Variants in LRRC63 observed in about 807,000 individuals in gnomAD.
LRRC63 encodes the protein leucine rich repeat containing 63, also known as leucine-rich repeat-containing protein 63.
Under a neutral mutation model 49.5 loss-of-function variants are expected in LRRC63, and 40 were observed. The ratio of observed to expected loss-of-function variants is 0.81; its 90% CI spans 0.63 to 1.05. LRRC63 has a LOEUF of 1.05. LRRC63 is among the 50% of genes least tolerant of loss of function. LRRC63 has a pLI of 0.00. For missense variants in LRRC63, 636 were observed against 663.1 expected, an observed-to-expected ratio of 0.96 and a Z score of 0.45; for synonymous variants, 191 against 221.1, an observed-to-expected ratio of 0.86 and a Z score of 1.21.
chr13:46,250,433 CT>C lies in LRRC63; in HGVS notation c.1170del (p.Glu391SerfsTer12), dbSNP rs1656421242. 2.0e-6 allele frequency: 3 copies of C among 1,534,704 alleles called. No homozygotes were observed. The highest frequency in any genetic ancestry group is 2.6e-6 in the Non-Finnish European group (3 of 1,134,446). ...AGAAATTCCTTCTGAAATTCAACAA[CT>C]TGAGTTCCTTAGAATTTTCACCATT... On this transcript the variant is annotated frameshift_variant, in exon 7 of 10. Transcript: ENST00000595396. LOFTEE classifies it high-confidence loss of function.
intron 5 of LRRC63, among the ~76,000 whole-genome samples, chr13:46,234,893 G>C (rs926611692): frequency 6.6e-6 from 1 of 152,036 alleles, no homozygotes; most frequent in Non-Finnish European, 1.5e-5. Context: ...GAACTTTCTG[G>C]CCTCAAAATC....
At chr13:46,227,589 C>T (rs556213982) in exon 3 of LRRC63, 160 of 1,549,502 alleles carry the variant, frequency 1.0e-4, no homozygotes, top group Non-Finnish European at 1.3e-4. Context: ...GGATAGAACT[C>T]GTTTTCCTGA....
intron 5 of LRRC63, 86 bp downstream of exon 5, chr13:46,234,435 G>T (rs967752612): frequency 8.0e-7 from 1 of 1,252,966 alleles, no homozygotes; most frequent in Non-Finnish European, 1.1e-6. Flanking sequence ...TAGTTTCCAT[G>T]GTATTGAGGG....
At chr13:46,229,238 C>A (rs566180775) in intron 4 of LRRC63, among the ~76,000 whole-genome samples, 57 of 152,224 alleles carry the variant, frequency 3.7e-4, no homozygotes, top group South Asian at 3.5e-3. Context: ...AATTATTGGG[C>A]ACATTTTTTA....
chr13:46,276,828 G>GTATA lies in LRRC63; in HGVS notation c.*45_*48dup, dbSNP rs375853565. 271 of 140,028 alleles carry GTATA rather than the reference G, an allele frequency of 1.9e-3. 2 individuals are homozygous for GTATA. The highest frequency in any genetic ancestry group is 6.6e-3 in the South Asian group (26 of 3,940). 8.7% of individuals were successfully genotyped at this position (140,028 alleles called of 1,614,324 possible). ...GTACAATGATTTATCGTATGTGTGT[G>GTATA]TATATATATATATATATATATATTT... On this transcript the variant is annotated 3_prime_UTR_variant, in exon 10 of 10. Coordinates refer to ENST00000595396, the Ensembl canonical transcript of LRRC63.
At chr13:46,255,671 T>TATATA (rs1487104632) in intron 7 of LRRC63, among the ~76,000 whole-genome samples, 1 of 148,332 alleles carries the variant, frequency 6.7e-6, no homozygotes, top group Non-Finnish European at 1.5e-5. Context: ...TATATAGTTA[T>TATATA]TAGTAACCTC....
intron 4 of LRRC63, 135 bp from the exon 5 acceptor site, chr13:46,234,057 G>GA (rs2046837240): frequency 2.7e-6 from 2 of 749,452 alleles, no homozygotes; most frequent in Non-Finnish European, 4.1e-6. Context: ...AGGCTATGGG[G>GA]AATCCCTGCC....
At chr13:46,252,578 A>T (rs9595445) in intron 7 of LRRC63, among the ~76,000 whole-genome samples, 11,369 of 152,070 alleles carry the variant, frequency 0.075, 1,387 homozygotes, top group African/African-American at 0.26. Context: ...AAAATAATGG[A>T]GATGTACACA....
intron 5 of LRRC63, among the ~76,000 whole-genome samples, chr13:46,240,457 A>G (rs758229988): frequency 1.3e-5 from 2 of 151,978 alleles, no homozygotes; most frequent in African/African-American, 4.8e-5. Flanking sequence ...CTCCTATTCA[A>G]CAAAGTATTG....
chr13:46,267,316 G>A (rs1256206743), intron 9 of LRRC63, among the ~76,000 whole-genome samples: 1 of 152,184 alleles, frequency 6.6e-6, no homozygotes, highest in Non-Finnish European at 1.5e-5. Flanking sequence ...TATTCTAGGA[G>A]GTGTTTCACT....
At chr13:46,230,689 T>C (rs2046726584) in intron 4 of LRRC63, among the ~76,000 whole-genome samples, 5 of 152,228 alleles carry the variant, frequency 3.3e-5, no homozygotes, top group South Asian at 2.1e-4. Flanking sequence ...CACATCTCTC[T>C]AGCAAGTGGT....
At chr13:46,233,196 C>G (rs970450414) in intron 4 of LRRC63, among the ~76,000 whole-genome samples, 1 of 152,158 alleles carries the variant, frequency 6.6e-6, no homozygotes, top group African/African-American at 2.4e-5. Context: ...TCCTCTTCAT[C>G]TCCATCTTCC....
At chr13:46,223,135 A>G (rs1189312964) in intron 2 of LRRC63, among the ~76,000 whole-genome samples, 2 of 151,614 alleles carry the variant, frequency 1.3e-5, no homozygotes, top group Non-Finnish European at 2.9e-5. Flanking sequence ...TGGGTGCAGC[A>G]CACCAGCATG....
chr13:46,216,507 G>A (rs2046255554), intron 2 of LRRC63, among the ~76,000 whole-genome samples: 1 of 152,212 alleles, frequency 6.6e-6, no homozygotes, highest in Non-Finnish European at 1.5e-5. Flanking sequence ...TCAGCTTAAG[G>A]AGACTTTGGG....
At chr13:46,261,864 T>A (rs74069599) in intron 7 of LRRC63, 45 bp from the exon 8 acceptor site, 127 of 574,492 alleles carry the variant, frequency 2.2e-4, no homozygotes, top group African/African-American at 2.1e-3. Flanking sequence ...TTCCCAGTGG[T>A]GATACATAAT....
chr13:46,236,452 C>G (rs891729952), intron 5 of LRRC63, among the ~76,000 whole-genome samples: 1 of 152,070 alleles, frequency 6.6e-6, no homozygotes, highest in African/African-American at 2.4e-5. Context: ...TGTACAAGGG[C>G]TCTACAATGA....
chr13:46,230,079 C>T (rs1485192872), intron 4 of LRRC63, among the ~76,000 whole-genome samples: 2 of 152,136 alleles, frequency 1.3e-5, no homozygotes, highest in South Asian at 2.1e-4. Context: ...CAGACACCTC[C>T]CACCAGGCCC....
At chr13:46,218,563 A>G (rs1380792036) in intron 2 of LRRC63, among the ~76,000 whole-genome samples, 4 of 152,040 alleles carry the variant, frequency 2.6e-5, no homozygotes, top group Non-Finnish European at 5.9e-5. Context: ...CCAGTTTCCC[A>G]GTCTGTCTGT....
At chr13:46,247,465 C>T (rs969174195) in intron 6 of LRRC63, among the ~76,000 whole-genome samples, 4 of 152,206 alleles carry the variant, frequency 2.6e-5, no homozygotes, top group Non-Finnish European at 5.9e-5. Context: ...CCAAAGAAAA[C>T]TCCATCCACT....
Sources: gnomAD v4.1 joint callset for allele counts (sites outside exome capture counted in the v4.1 genomes callset) on GRCh38, gnomAD v4.1.1 for gene constraint, MANE v1.5 for transcripts, NCBI Gene and HGNC (gene_info 2026-07-23, HGNC 2026-07-21) for gene names.